WWOX: variants seen among roughly 807,000 people sequenced by gnomAD.
WWOX encodes WW domain-containing oxidoreductase.
WWOX carries 69 observed loss-of-function variants against 46.2 expected under a neutral mutation model. The observed-to-expected ratio is 1.49, with a 90% CI of 1.23 to 1.82. WWOX has a LOEUF of 1.82. Ranked by LOEUF, WWOX falls within the 40% of genes most tolerant of loss-of-function variation. The pLI, the probability that WWOX is intolerant of heterozygous loss-of-function variation, is 0.00. For missense variants in WWOX, 919 were observed against 542.6 expected (o/e 1.69, Z -6.89); for synonymous variants, 359 against 202.6 (o/e 1.77, Z -6.56).
At chr16:78,949,191 G>T (rs895210432) in intron 8 of WWOX, among the ~76,000 whole-genome samples, 1 of 152,172 alleles carries the variant, frequency 6.6e-6, no homozygotes, top group Non-Finnish European at 1.5e-5. Flanking sequence ...CCAAAGAAGA[G>T]CCCAGGCTGG....
intron 8 of WWOX, chr16:78,873,004 C>G (rs1026832268): frequency 6.6e-6 from 1 of 152,376 alleles, no homozygotes; most frequent in Middle Eastern, 3.4e-3. Context: ...GCTATGCTGC[C>G]CAGGCTGGTC....
At position 78,436,289 on chromosome 16, in the gene WWOX, AG is replaced by A. The variant is rs546107043; in HGVS notation, c.1056+3539del. On this transcript the variant is annotated intron_variant, in intron 8 of 8. Transcript: ENST00000566780. Reference sequence around the variant, plus strand: ...TCCCTGGCCCCAAAGACTCAGGGAGAGGTTTACTGGCCAGGTAGAAAGGGCG... The same window carrying A: ...TCCCTGGCCCCAAAGACTCAGGGAGAGTTTACTGGCCAGGTAGAAAGGGCG... 5.9e-5 allele frequency among the ~76,000 whole-genome samples: 9 copies of A among 152,240 alleles called. No individual in the cohort carries two copies. In the South Asian group the frequency reaches 1.9e-3, roughly 32 times the overall value.
intron 6 of WWOX, among the ~76,000 whole-genome samples, chr16:78,419,257 A>T (rs913424638): frequency 2.0e-5 from 3 of 152,166 alleles, no homozygotes; most frequent in African/African-American, 7.2e-5. Context: ...TTAAAATTTC[A>T]GTTGACTTTT....
At chr16:78,280,439 T>TGTAGG (rs1415797419) in intron 5 of WWOX, among the ~76,000 whole-genome samples, 1 of 152,222 alleles carries the variant, frequency 6.6e-6, no homozygotes, top group African/African-American at 2.4e-5. Context: ...AGACGTTACC[T>TGTAGG]GTAGGATATG....
intron 8 of WWOX, among the ~76,000 whole-genome samples, chr16:79,134,298 G>A (rs372853804): frequency 1.3e-5 from 2 of 152,212 alleles, no homozygotes; most frequent in African/African-American, 4.8e-5. Flanking sequence ...AGGCAGTAAA[G>A]GATTCACCAA....
At chr16:79,140,797 C>T (rs528257091) in intron 8 of WWOX, among the ~76,000 whole-genome samples, 19 of 152,056 alleles carry the variant, frequency 1.2e-4, no homozygotes, top group African/African-American at 3.4e-4. Context: ...ATCAAGCTGA[C>T]GTTTATACTT....
intron 5 of WWOX, among the ~76,000 whole-genome samples, chr16:78,267,334 T>G (rs2079388182): frequency 6.6e-6 from 1 of 152,262 alleles, no homozygotes; most frequent in Admixed American, 6.5e-5. Context: ...CACACGGATA[T>G]TAATTGCATG....
At chr16:78,581,190 T>C (rs1461272428) in intron 8 of WWOX, among the ~76,000 whole-genome samples, 2 of 152,154 alleles carry the variant, frequency 1.3e-5, no homozygotes, top group Non-Finnish European at 2.9e-5. Context: ...TCTGATCTTA[T>C]AAAGGAAAAA....
intron 8 of WWOX, among the ~76,000 whole-genome samples, chr16:79,048,127 C>T (rs909838735): frequency 2.0e-5 from 3 of 152,142 alleles, no homozygotes; most frequent in Admixed American, 2.0e-4. Context: ...CACGGAAAAT[C>T]ATTTTCTATT....
At chr16:78,123,660 C>A (rs138172644) in intron 4 of WWOX, 1 of 151,042 alleles carries the variant, frequency 6.6e-6, no homozygotes, top group African/African-American at 2.4e-5. Context: ...GTTTCACCAT[C>A]TTGGCCAGGC....
chr16:78,701,443 G>A (rs2048214414), intron 8 of WWOX, among the ~76,000 whole-genome samples: 2 of 152,016 alleles, frequency 1.3e-5, no homozygotes, highest in Non-Finnish European at 2.9e-5. Context: ...AGGTCCGATG[G>A]CCACATAGGT....
Position 78,548,121 on chromosome 16 carries a change from C to G in WWOX, c.1056+115369C>G, listed in dbSNP as rs538158665. Among the ~76,000 whole-genome samples, 39 of 140,632 alleles carry G rather than the reference C, an allele frequency of 2.8e-4. 1 individual carries two copies. The highest frequency in any genetic ancestry group is 1.0e-3 in the African/African-American group (38 of 37,890). 92.3% of individuals were successfully genotyped at this position (140,632 alleles called of 152,430 possible). A position where few individuals can be genotyped will look rare whatever the true frequency, so the allele number is the denominator to read the frequency against. On this transcript the variant is annotated intron_variant, in intron 8 of 8. Transcript: ENST00000566780. The stretch of plus-strand genomic sequence containing the variant: ...AGTGAGCTGAGATCACACCACTGCA[C>G]TCCAGCCTGGGTGACAGAGCAAGAC...
chr16:78,614,363 G>A (rs1044532177), intron 8 of WWOX, among the ~76,000 whole-genome samples: 2 of 152,230 alleles, frequency 1.3e-5, no homozygotes, highest in African/African-American at 2.4e-5. Context: ...GTAAAATCAT[G>A]CTTATCATAT....
chr16:78,365,348 A>G (rs1172767492), intron 5 of WWOX, among the ~76,000 whole-genome samples: 3 of 152,040 alleles, frequency 2.0e-5, no homozygotes, highest in Non-Finnish European at 4.4e-5. Context: ...TTTCTTTTTT[A>G]CTTGCTGGAT....
chr16:78,812,394 T>A (rs1213104634), intron 8 of WWOX, among the ~76,000 whole-genome samples: 1 of 151,826 alleles, frequency 6.6e-6, no homozygotes. Flanking sequence ...TCAAACAACT[T>A]CTTGAAAATA....
chr16:78,393,951 G>C (rs999968853), intron 6 of WWOX, among the ~76,000 whole-genome samples: 3 of 151,862 alleles, frequency 2.0e-5, no homozygotes, highest in Non-Finnish European at 2.9e-5. Flanking sequence ...TTCATTTTCT[G>C]CTAAATTACT....
At chr16:78,777,900 C>G (rs954221240) in intron 8 of WWOX, among the ~76,000 whole-genome samples, 1 of 151,998 alleles carries the variant, frequency 6.6e-6, no homozygotes, top group Non-Finnish European at 1.5e-5. Flanking sequence ...TAAAAATGAG[C>G]TGGGTGTGGT....
At chr16:78,803,021 G>A (rs558526168) in intron 8 of WWOX, among the ~76,000 whole-genome samples, 2 of 149,426 alleles carry the variant, frequency 1.3e-5, no homozygotes, top group South Asian at 2.1e-4. Flanking sequence ...TGGAATTCAT[G>A]GTGCCTTGTA....
intron 3 of WWOX, among the ~76,000 whole-genome samples, chr16:78,113,316 C>G (rs770732721): frequency 9.9e-5 from 15 of 152,212 alleles, no homozygotes; most frequent in Non-Finnish European, 2.1e-4. Context: ...CAGGGGCTGT[C>G]TCCTTTGCCT....
Sources: gnomAD v4.1 joint callset for allele counts (sites outside exome capture counted in the v4.1 genomes callset) on GRCh38, gnomAD v4.1.1 for gene constraint, MANE v1.5 for transcripts, NCBI Gene and HGNC (gene_info 2026-07-23, HGNC 2026-07-21) for gene names.